ADAMTSL1: variants seen among roughly 807,000 people sequenced by gnomAD.
ADAMTSL1 encodes ADAMTS-like protein 1.
A neutral mutation model predicts 201.8 loss-of-function variants in ADAMTSL1; 126 were observed. The ratio of observed to expected loss-of-function variants is 0.62; its 90% confidence interval spans 0.54 to 0.72. The LOEUF (loss-of-function observed/expected upper bound fraction) is 0.72, where lower values mean the gene tolerates loss of function less well. Ranked by LOEUF, ADAMTSL1 falls within the 30% of genes least tolerant of loss-of-function variation. ADAMTSL1 has a pLI of 0.00. For missense variants in ADAMTSL1, 2,679 were observed against 2,277.8 expected (o/e 1.18, Z -3.59); for synonymous variants, 1,121 against 903.4 (o/e 1.24, Z -4.32).
At chr9:18,090,117 A>G (rs996418441) in intron 1 of ADAMTSL1, among the ~76,000 whole-genome samples, 1 of 152,186 alleles carries the variant, frequency 6.6e-6, no homozygotes, top group African/African-American at 2.4e-5. Flanking sequence ...AAAGAAAGTA[A>G]GTATTGGCAA....
intron 1 of ADAMTSL1, among the ~76,000 whole-genome samples, chr9:18,071,133 T>A (rs561851738): frequency 1.7e-4 from 26 of 152,200 alleles, no homozygotes; most frequent in Non-Finnish European, 3.1e-4. Context: ...GTTTAAGTTT[T>A]GAGATGAGCA....
At chr9:18,527,139 GC>G (rs1163247509) in intron 2 of ADAMTSL1, among the ~76,000 whole-genome samples, 11 of 151,942 alleles carry the variant, frequency 7.2e-5, no homozygotes, top group African/African-American at 2.7e-4. Flanking sequence ...AAAAGCAAAA[GC>G]AAAAAGAAAA....
At chr9:18,013,435 G>C (rs773456881) in intron 1 of ADAMTSL1, among the ~76,000 whole-genome samples, 4 of 151,982 alleles carry the variant, frequency 2.6e-5, no homozygotes, top group African/African-American at 4.8e-5. Flanking sequence ...ATGGAGGTCT[G>C]TACAGTCTTA....
rs562470169 is a variant in ADAMTSL1 at position 18,005,824 on chromosome 9, T to G, written c.87+98902T>G. On this transcript the variant is annotated intron_variant, in intron 1 of 29. Coordinates refer to the ADAMTSL1 transcript ENST00000680146. The stretch of plus-strand genomic sequence containing the variant: ...TACTAAATCCAGTTCAAACATGGCC[T>G]CTTCTCTGCCTCTCTTCACTGCCCT... Among the ~76,000 whole-genome samples the G allele has an allele frequency of 2.6e-5, 4 of 152,164 alleles. No homozygotes were observed. The East Asian group carries it at 7.8e-4, about 30-fold the overall frequency.
intron 1 of ADAMTSL1, among the ~76,000 whole-genome samples, chr9:17,972,284 A>G (rs10963362): frequency 0.77 from 80,404 of 104,188 alleles, 31,801 homozygotes; most frequent in East Asian, 0.9. Flanking sequence ...TTTAGCATTA[A>G]GTATATCTCC....
intron 2 of ADAMTSL1, among the ~76,000 whole-genome samples, chr9:18,187,064 G>A (rs1287214508): frequency 1.3e-5 from 2 of 152,040 alleles, no homozygotes; most frequent in Non-Finnish European, 2.9e-5. Context: ...ATTGTTTCTG[G>A]GTCACCATGC....
chr9:17,998,650 A>G (rs1819485121), intron 1 of ADAMTSL1, among the ~76,000 whole-genome samples: 1 of 152,042 alleles, frequency 6.6e-6, no homozygotes, highest in Non-Finnish European at 1.5e-5. Flanking sequence ...AATGCTTTGG[A>G]AAAGGAAGTA....
chr9:18,102,899 G>A (rs1036946941), intron 1 of ADAMTSL1, among the ~76,000 whole-genome samples: 1 of 152,196 alleles, frequency 6.6e-6, no homozygotes, highest in African/African-American at 2.4e-5. Context: ...TGGAGGGTCA[G>A]TCAGAGAGGG....
intron 1 of ADAMTSL1, among the ~76,000 whole-genome samples, chr9:18,113,079 T>G (rs1825099605): frequency 6.6e-6 from 1 of 152,102 alleles, no homozygotes; most frequent in Non-Finnish European, 1.5e-5. Context: ...TGGGGCAGTA[T>G]GTATGAAAGC....
At chr9:18,160,662 CTTTT>C (rs907192556) in intron 1 of ADAMTSL1, among the ~76,000 whole-genome samples, 4 of 147,810 alleles carry the variant, frequency 2.7e-5, no homozygotes. Flanking sequence ...TTCTTTATTT[CTTTT>C]TTTAATTAAT....
At chr9:18,020,284 C>T (rs771631713) in intron 1 of ADAMTSL1, among the ~76,000 whole-genome samples, 3 of 151,982 alleles carry the variant, frequency 2.0e-5, no homozygotes, top group Non-Finnish European at 4.4e-5. Context: ...CAGGATTTAG[C>T]GATTCAATTT....
chr9:18,897,700 C>T (rs879879336), intron 26 of ADAMTSL1, among the ~76,000 whole-genome samples: 3 of 152,174 alleles, frequency 2.0e-5, no homozygotes, highest in Admixed American at 2.0e-4. Flanking sequence ...AATCTCCATT[C>T]AAAGGTCAGC....
intron 10 of ADAMTSL1, among the ~76,000 whole-genome samples, chr9:18,678,700 T>G (rs1443834350): frequency 6.6e-6 from 1 of 152,164 alleles, no homozygotes; most frequent in Non-Finnish European, 1.5e-5. Flanking sequence ...AGTGATTAAA[T>G]GTACATTTAA....
chr9:18,180,621 C>G (rs369137649), intron 2 of ADAMTSL1, among the ~76,000 whole-genome samples: 1 of 150,620 alleles, frequency 6.6e-6, no homozygotes. Flanking sequence ...AACCACTGCT[C>G]AAGGAAATAA....
intron 2 of ADAMTSL1, among the ~76,000 whole-genome samples, chr9:18,506,316 C>T (rs1299766459): frequency 6.6e-6 from 1 of 152,200 alleles, no homozygotes; most frequent in Non-Finnish European, 1.5e-5. Flanking sequence ...AATATTCATA[C>T]ATCAGTAAAG....
At chr9:18,397,715 A>G (rs1394553151) in intron 2 of ADAMTSL1, among the ~76,000 whole-genome samples, 2 of 152,190 alleles carry the variant, frequency 1.3e-5, no homozygotes, top group African/African-American at 4.8e-5. Flanking sequence ...AATACATTGA[A>G]AAAGGTTTAT....
At chr9:18,865,392 T>G (rs373195933) in intron 23 of ADAMTSL1, among the ~76,000 whole-genome samples, 5 of 152,166 alleles carry the variant, frequency 3.3e-5, no homozygotes, top group Admixed American at 2.6e-4. Context: ...ATGGCTGCAT[T>G]GTATTCCATG....
intron 2 of ADAMTSL1, among the ~76,000 whole-genome samples, chr9:18,204,671 A>G (rs1293365694): frequency 6.6e-6 from 1 of 152,112 alleles, no homozygotes; most frequent in Non-Finnish European, 1.5e-5. Context: ...TCATCTGAAG[A>G]CTGGTTGCCA....
chr9:18,194,678 T>C (rs1203310948), intron 2 of ADAMTSL1, among the ~76,000 whole-genome samples: 2 of 152,110 alleles, frequency 1.3e-5, no homozygotes, highest in Non-Finnish European at 2.9e-5. Flanking sequence ...GCCCAGGGTC[T>C]AGGACTGTAC....
Sources: allele counts gnomAD v4.1 joint callset (sites outside exome capture counted in the v4.1 genomes callset), GRCh38; gene constraint gnomAD v4.1.1; transcripts MANE v1.5; gene names NCBI Gene and HGNC (gene_info 2026-07-23, HGNC 2026-07-21).